Variants in PCDH7 observed in about 807,000 individuals in gnomAD.
The protein encoded by PCDH7 is protocadherin 7, also known as protocadherin-7.
Under a neutral mutation model 58.9 loss-of-function variants are expected in PCDH7, and 17 were observed. The ratio of observed to expected loss-of-function variants is 0.29; its 90% CI spans 0.20 to 0.43. PCDH7 has a LOEUF of 0.43. PCDH7 is among the 20% of genes least tolerant of loss of function. The pLI, the probability that PCDH7 is intolerant of heterozygous loss-of-function variation, is 1.00. For synonymous variants in PCDH7, 664 were observed against 616.4 expected (o/e 1.08, Z -1.14); for missense variants, 1,274 against 1,441.0 (o/e 0.88, Z 1.88).
intron 3 of PCDH7, among the ~76,000 whole-genome samples, chr4:30,972,263 T>A (rs561043650): frequency 1.3e-5 from 2 of 152,226 alleles, no homozygotes; most frequent in South Asian, 4.1e-4. Flanking sequence ...TGGACTGTTA[T>A]GAAAATTTAA....
At chr4:30,898,501 G>T (rs1273286066) in intron 1 of PCDH7, among the ~76,000 whole-genome samples, 1 of 152,172 alleles carries the variant, frequency 6.6e-6, no homozygotes, top group Non-Finnish European at 1.5e-5. Context: ...TATTTCTAGA[G>T]ATCAGAATAA....
At chr4:30,853,628 A>G (rs1733071556) in intron 1 of PCDH7, among the ~76,000 whole-genome samples, 1 of 152,128 alleles carries the variant, frequency 6.6e-6, no homozygotes, top group Non-Finnish European at 1.5e-5. Context: ...ATTTTCTGGA[A>G]TATGGGAAGT....
At chr4:31,142,000 T>C (rs1411457249) in intron 3 of PCDH7, among the ~76,000 whole-genome samples, 1 of 152,226 alleles carries the variant, frequency 6.6e-6, no homozygotes, top group Non-Finnish European at 1.5e-5. Flanking sequence ...TTTGCATATT[T>C]GCATTCTATG....
chr4:30,978,505 T>C (rs1750272370), intron 3 of PCDH7, among the ~76,000 whole-genome samples: 1 of 152,150 alleles, frequency 6.6e-6, no homozygotes, highest in African/African-American at 2.4e-5. Flanking sequence ...AGTGCTGTGA[T>C]TTGGTGAGAA....
chr4:30,906,486 A>C (rs898920835), intron 1 of PCDH7, among the ~76,000 whole-genome samples: 1 of 152,206 alleles, frequency 6.6e-6, no homozygotes, highest in Non-Finnish European at 1.5e-5. Context: ...TGGTAAAAAC[A>C]ATTTTTAAGA....
chr4:30,795,907 C>T (rs1724713633), intron 1 of PCDH7, among the ~76,000 whole-genome samples: 1 of 152,048 alleles, frequency 6.6e-6, no homozygotes. Flanking sequence ...TCTATATTGT[C>T]TTTTAATATA....
At chr4:31,127,114 C>T (rs907312848) in intron 3 of PCDH7, among the ~76,000 whole-genome samples, 2 of 152,156 alleles carry the variant, frequency 1.3e-5, no homozygotes, top group African/African-American at 4.8e-5. Context: ...AAATAAAGAG[C>T]ATGTGTGGCA....
intron 1 of PCDH7, among the ~76,000 whole-genome samples, chr4:30,785,048 G>T (rs1005306784): frequency 3.3e-5 from 5 of 151,938 alleles, no homozygotes; most frequent in Non-Finnish European, 5.9e-5. Flanking sequence ...ACACTGAAAA[G>T]AAACAGAAAG....
chr4:30,775,384 T>C (rs1397187955), intron 1 of PCDH7, among the ~76,000 whole-genome samples: 6 of 152,138 alleles, frequency 3.9e-5, no homozygotes, highest in Admixed American at 3.9e-4. Context: ...TATATACAAC[T>C]TGGAGTGTGT....
At chr4:30,821,415 A>G (rs1376670191) in intron 1 of PCDH7, among the ~76,000 whole-genome samples, 1 of 152,224 alleles carries the variant, frequency 6.6e-6, no homozygotes, top group African/African-American at 2.4e-5. Flanking sequence ...AAGATGTGCA[A>G]TTGCACAGTT....
intron 1 of PCDH7, among the ~76,000 whole-genome samples, chr4:30,879,655 C>A (rs574775984): frequency 2.0e-5 from 3 of 152,094 alleles, no homozygotes; most frequent in Non-Finnish European, 2.9e-5. Flanking sequence ...AAGCAATTAT[C>A]GCCATGATGA....
intron 3 of PCDH7, among the ~76,000 whole-genome samples, chr4:30,972,166 T>G (rs1002706275): frequency 6.6e-6 from 1 of 152,320 alleles, no homozygotes; most frequent in Non-Finnish European, 1.5e-5. Context: ...CCTCTTTAAT[T>G]GTCAGAATTA....
chr4:31,097,150 C>A (rs1560221056), intron 3 of PCDH7, among the ~76,000 whole-genome samples: 1 of 151,994 alleles, frequency 6.6e-6, no homozygotes, highest in Non-Finnish European at 1.5e-5. Context: ...ATTTTTTAGA[C>A]CATGACATAC....
At chr4:30,948,192 C>T (rs1746943045) in intron 2 of PCDH7, among the ~76,000 whole-genome samples, 2 of 151,494 alleles carry the variant, frequency 1.3e-5, no homozygotes, top group Non-Finnish European at 2.9e-5. Flanking sequence ...TCTCCCAGTG[C>T]ACTGCTAATT....
intron 3 of PCDH7, among the ~76,000 whole-genome samples, chr4:30,997,031 G>T (rs1345274842): frequency 1.3e-5 from 2 of 151,526 alleles, no homozygotes; most frequent in African/African-American, 4.8e-5. Flanking sequence ...TAAAATCAGT[G>T]AACCCTAAAC....
intron 1 of PCDH7, among the ~76,000 whole-genome samples, chr4:30,898,736 G>A (rs543852960): frequency 2.6e-5 from 4 of 152,060 alleles, no homozygotes; most frequent in Non-Finnish European, 4.4e-5. Flanking sequence ...GACTACAGGC[G>A]CCCGCCACCA....
At chr4:30,749,643 A>G (rs1718246306) in intron 1 of PCDH7, among the ~76,000 whole-genome samples, 1 of 152,202 alleles carries the variant, frequency 6.6e-6, no homozygotes, top group African/African-American at 2.4e-5. Flanking sequence ...AAAAGAGATA[A>G]TAGATGATTG....
intron 1 of PCDH7, among the ~76,000 whole-genome samples, chr4:30,755,813 G>C (rs2109263325): frequency 6.6e-6 from 1 of 152,204 alleles, no homozygotes. Context: ...AGGTGCGGTG[G>C]CTCACACCTG....
At chr4:30,724,404 G>T (rs370196952) in exon 1 of PCDH7, 3 of 1,613,856 alleles carry the variant, frequency 1.9e-6, no homozygotes, top group Non-Finnish European at 2.5e-6. Context: ...ACCTGGCAAG[G>T]CATTACAAAT....
Sources: allele counts gnomAD v4.1 joint callset (sites outside exome capture counted in the v4.1 genomes callset), GRCh38; gene constraint gnomAD v4.1.1; transcripts MANE v1.5; gene names NCBI Gene and HGNC (gene_info 2026-07-23, HGNC 2026-07-21).